NOA1: variants seen among roughly 807,000 people sequenced by gnomAD.
NOA1 encodes nitric oxide-associated protein 1.
In NOA1, 35 loss-of-function variants were observed where a neutral mutation model predicts 58.4. That is an observed-to-expected ratio of 0.60 (90% CI 0.46 to 0.79). The LOEUF is 0.79. Among genes scored for constraint, NOA1 ranks in the 30% least tolerant of loss-of-function variants. The pLI is 0.00. For synonymous variants in NOA1, 397 were observed against 373.4 expected (o/e 1.06, Z -0.73); for missense variants, 895 against 894.6 (o/e 1.00, Z -0.01).
At position 56,976,502 on chromosome 4, in the gene NOA1, C is replaced by G; in HGVS notation, c.1084G>C (p.Asp362His). 2 of 1,614,216 alleles carry G rather than the reference C, an allele frequency of 1.2e-6. No individual in the cohort carries two copies. The highest frequency in any genetic ancestry group is 1.1e-5 in the South Asian group (1 of 91,078). Reference protein sequence around the residue: ...STLFNTLLESDYCTAKGSEAI... With the variant: ...STLFNTLLESHYCTAKGSEAI... ...TCGGAGCCCTTGGCAGTGCAGTAAT[C>G]GGACTCCAGGAGCGTGTTAAAGAGA... Residue 362 changes from aspartate to histidine, a missense_variant, in exon 1 of 7, where the codon GAT becomes CAT. Coordinates refer to ENST00000264230, the MANE Select transcript of NOA1 (RefSeq NM_032313.4).
intron 2 of NOA1, among the ~76,000 whole-genome samples, chr4:56,973,628 A>C (rs1721847926): frequency 6.6e-6 from 1 of 152,176 alleles, no homozygotes; most frequent in East Asian, 1.9e-4. Flanking sequence ...TACCAAGGAA[A>C]GACAGACAAC....
intron 3 of NOA1, among the ~76,000 whole-genome samples, chr4:56,971,136 A>G (rs536186573): frequency 6.6e-6 from 1 of 152,172 alleles, no homozygotes; most frequent in East Asian, 1.9e-4. Flanking sequence ...AACATGGCGA[A>G]ACCCTGTCTC....
chr4:56,973,934 T>C lies in NOA1; in HGVS notation c.1233A>G (p.Ser411=). 1 of 1,614,110 alleles carries C rather than the reference T, an allele frequency of 6.2e-7. No homozygotes were observed. Among genetic ancestry groups the C allele is most frequent in the Non-Finnish European group, 8.5e-7 (1 of 1,179,976 alleles). The change falls in exon 2 of 7, where the codon TCA becomes TCG. Residue 411 remains serine (S), a synonymous_variant. Transcript: ENST00000264230. The stretch of plus-strand genomic sequence containing the variant: ...CACTAAGATCTTCTTCAGCTTGAGT[T>C]GAATCTTTTTTAAGTCTTTGATGCC... ...FKRHQRLKKD[S]TQAEEDLSEQ... is the part of the protein sequence containing the mutation.
chr4:56,976,463 C>A lies in NOA1; in HGVS notation c.1123G>T (p.Ala375Ser). The stretch of plus-strand genomic sequence containing the variant: ...TCACCTGGCCAAGGGGAGATGGTGG[C>A]TCTGTCGATGGCCTCGGAGCCCTTG... ...TAKGSEAIDRATISPWPGTTL... is the reference protein window; with the variant it reads ...TAKGSEAIDRSTISPWPGTTL... Residue 375 changes from alanine to serine, a missense_variant, in exon 1 of 7, where the codon GCC becomes TCC. Transcript: ENST00000264230. 6.2e-7 allele frequency: 1 copy of A among 1,613,382 alleles called. No individual in the cohort carries two copies. Among genetic ancestry groups the A allele is most frequent in the East Asian group, 2.2e-5 (1 of 44,866 alleles).
chr4:56,965,400 A>G (rs1042733316), intron 5 of NOA1, among the ~76,000 whole-genome samples: 2 of 152,156 alleles, frequency 1.3e-5, no homozygotes, highest in Non-Finnish European at 2.9e-5. Flanking sequence ...TTCTGCCCCC[A>G]AGGAAATCAA....
At chr4:56,974,485 C>G (rs1721862815) in intron 1 of NOA1, among the ~76,000 whole-genome samples, 2 of 151,966 alleles carry the variant, frequency 1.3e-5, no homozygotes, top group South Asian at 2.1e-4. Flanking sequence ...AACCCTGTCT[C>G]TACTAAAAAT....
chr4:56,976,936 A>G lies in NOA1; in HGVS notation c.650T>C (p.Val217Ala). The G allele has an allele frequency of 3.1e-6, 5 of 1,607,212 alleles. No homozygotes were observed. The highest frequency in any genetic ancestry group is 1.7e-4 in the Middle Eastern group (1 of 6,048). ...AALRRPGPSL[V>A]LYMVDLLDLP... ...GTCCAGCAGGTCCACCATGTAGAGC[A>G]CCAGGGAGGGGCCGGGCCGCCGCAA... Residue 217 changes from valine (V) to alanine (A), a missense_variant, in exon 1 of 7, where the codon GTG (valine) becomes GCG (alanine). By Grantham distance (64) the Val-to-Ala change is moderately conservative (BLOSUM62 0). Around this residue, in one of 3 missense-constraint regions of NOA1, gnomAD observed 680 missense variants for 656.5 expected, o/e 1.04. Coordinates refer to ENST00000264230, the MANE Select transcript of NOA1 (RefSeq NM_032313.4).
At chr4:56,976,352 G>T in intron 1 of NOA1, 90 bp downstream of exon 1, 1 of 1,126,488 alleles carries the variant, frequency 8.9e-7, no homozygotes, top group Non-Finnish European at 1.3e-6. Context: ...GCCCGCAGTG[G>T]ACATTAAGGG....
intron 1 of NOA1, among the ~76,000 whole-genome samples, chr4:56,974,617 A>G (rs1721865941): frequency 6.7e-6 from 1 of 149,448 alleles, no homozygotes; most frequent in South Asian, 2.1e-4. Flanking sequence ...GCACCACTGC[A>G]CTCCAACCTG....
chr4:56,966,630 G>T lies in NOA1; in HGVS notation c.1754C>A (p.Thr585Lys). The T allele has an allele frequency of 6.2e-7, 1 of 1,604,374 alleles. No homozygotes were observed. Among genetic ancestry groups the T allele is most frequent in the Non-Finnish European group, 8.5e-7 (1 of 1,171,294 alleles). Residue 585 changes from threonine (T) to lysine (K), a missense_variant, in exon 5 of 7, where the codon ACG becomes AAG. Thr to Lys is a moderately conservative substitution (Grantham distance 78). Around this residue, in one of 3 missense-constraint regions of NOA1, gnomAD observed 212 missense variants for 221.3 expected, o/e 0.96. Transcript: ENST00000264230. ...DALYQKHAGH[T>K]LLQIPMGGKE... ...GGCATGTTGCCTTACCTGGAGTAAC[G>T]TATGACCTGCATGCTTCTGATACAG...
chr4:56,976,869 G>T lies in NOA1; in HGVS notation c.717C>A (p.Gly239=), dbSNP rs746975927. ...TTCCCAGCACGATCAGCTGCTTGGGGCCCACCAGCGCGGGCAAGTCGGGCA... is the reference window on the plus strand; with the variant it reads ...TTCCCAGCACGATCAGCTGCTTGGGTCCCACCAGCGCGGGCAAGTCGGGCA... The part of the protein sequence containing the change: ...ALLPDLPALV[G]PKQLIVLGNK... The change falls in exon 1 of 7, where the codon GGC becomes GGA. Residue 239 remains glycine, a synonymous_variant. Transcript: ENST00000264230. The T allele has an allele frequency of 1.2e-6, 2 of 1,613,116 alleles. No homozygotes were observed. The highest frequency in any genetic ancestry group is 1.7e-5 in the Admixed American group (1 of 60,026).
chr4:56,970,905 G>A (rs1339623020), intron 3 of NOA1, among the ~76,000 whole-genome samples: 5 of 152,064 alleles, frequency 3.3e-5, no homozygotes, highest in African/African-American at 1.2e-4. Context: ...AAAAATTTGG[G>A]GTTCTCATTC....
At chr4:56,976,152 A>C (rs572237267) in intron 1 of NOA1, among the ~76,000 whole-genome samples, 7 of 152,358 alleles carry the variant, frequency 4.6e-5, no homozygotes, top group Non-Finnish European at 1.0e-4. Flanking sequence ...GCAAATCTCC[A>C]GAACAGGAAC....
chr4:56,964,765 G>T (rs1409367334), intron 5 of NOA1, among the ~76,000 whole-genome samples: 1 of 152,286 alleles, frequency 6.6e-6, no homozygotes, highest in East Asian at 1.9e-4. Flanking sequence ...CAAGCACCTG[G>T]CAGAAGCCTC....
At position 56,966,663 on chromosome 4, in the gene NOA1, G is replaced by T. The variant is rs1721716174; in HGVS notation, c.1721C>A (p.Ala574Glu). The change falls in exon 5 of 7, where the codon GCA becomes GAA. Residue 574 changes from alanine (A) to glutamate (E), a missense_variant. Ala to Glu is a moderately radical substitution (Grantham distance 107). This residue lies in a region of NOA1 where 212 missense variants were observed against 221.3 expected (regional missense o/e 0.96). Transcript: ENST00000264230. ...LPVHITSLDR[A>E]DALYQKHAGH... ...TGCATGCTTCTGATACAGAGCGTCT[G>T]CCCTGTCCAAGGAGGTGATATGCAC... 6.2e-7 allele frequency: 1 copy of T among 1,613,746 alleles called. No individual in the cohort carries two copies. The highest frequency in any genetic ancestry group is 8.5e-7 in the Non-Finnish European group (1 of 1,179,620).
In NOA1 at chr4:56,966,669, T is replaced by C. The variant is rs748957533; in HGVS notation, c.1715A>G (p.Asp572Gly). The change falls in exon 5 of 7, where the codon GAC becomes GGC. Residue 572 changes from aspartate to glycine, a missense_variant. Asp to Gly is a moderately conservative substitution (Grantham distance 94, BLOSUM62 -1). This residue lies in a region of NOA1 where 212 missense variants were observed against 221.3 expected (regional missense o/e 0.96). Transcript: ENST00000264230. ...NILPVHITSL[D>G]RADALYQKHA... ...CTTCTGATACAGAGCGTCTGCCCTG[T>C]CCAAGGAGGTGATATGCACAGGGAG... 1 of 1,613,922 alleles carries C rather than the reference T, an allele frequency of 6.2e-7. No individual in the cohort carries two copies. The highest frequency in any genetic ancestry group is 1.1e-5 in the South Asian group (1 of 91,078).
At chr4:56,971,875 G>A (rs1466407042) in intron 3 of NOA1, among the ~76,000 whole-genome samples, 1 of 151,546 alleles carries the variant, frequency 6.6e-6, no homozygotes, top group African/African-American at 2.4e-5. Context: ...CAAGACAGGT[G>A]GAGTTAATGC....
intron 3 of NOA1, 120 bp downstream of exon 3, chr4:56,973,028 C>T (rs115754136): frequency 2.4e-6 from 2 of 847,262 alleles, no homozygotes; most frequent in African/African-American, 1.7e-5. Context: ...ATGCATTACA[C>T]TCTTTCTCTA....
chr4:56,971,863 G>A lies in NOA1; in HGVS notation c.1515+1285C>T, dbSNP rs78100371. Among the ~76,000 whole-genome samples, 4 of 151,790 alleles carry A rather than the reference G, an allele frequency of 2.6e-5. No homozygotes were observed. In the East Asian group the frequency reaches 5.8e-4, roughly 22 times the overall value. ...CAATTGGATAAAAGAGAGGCATAGGGACAAGACAGGTGGAGTTAATGCTAT... is the reference window on the plus strand; with the variant it reads ...CAATTGGATAAAAGAGAGGCATAGGAACAAGACAGGTGGAGTTAATGCTAT... On this transcript the variant is annotated intron_variant, in intron 3 of 6. Coordinates refer to ENST00000264230, the MANE Select transcript of NOA1 (RefSeq NM_032313.4).
Sources: gnomAD v4.1 joint callset for allele counts (sites outside exome capture counted in the v4.1 genomes callset) on GRCh38, gnomAD v4.1.1 for gene constraint, gnomAD v4.1.1 regional missense constraint, MANE v1.5 for transcripts, NCBI Gene and HGNC (gene_info 2026-07-23, HGNC 2026-07-21) for gene names.